SFMBT2: variants seen among roughly 807,000 people sequenced by gnomAD.
SFMBT2 encodes the protein Scm like with four mbt domains 2, also known as scm-like with four MBT domains protein 2.
A neutral mutation model predicts 110.1 loss-of-function variants in SFMBT2; 38 were observed. That is an observed-to-expected ratio of 0.35 (90% CI 0.27 to 0.45). The LOEUF (loss-of-function observed/expected upper bound fraction) is 0.45. Ranked by LOEUF, SFMBT2 falls within the 20% of genes least tolerant of loss-of-function variation. SFMBT2 has a pLI of 1.00. For missense variants in SFMBT2, 1,011 were observed against 1,094.9 expected, an observed-to-expected ratio of 0.92 and a Z score of 1.08; for synonymous variants, 425 against 425.4, an observed-to-expected ratio of 1.00 and a Z score of 0.01.
intron 9 of SFMBT2, among the ~76,000 whole-genome samples, chr10:7,232,060 C>T (rs531692337): frequency 2.6e-5 from 4 of 152,214 alleles, no homozygotes; most frequent in Non-Finnish European, 2.9e-5. Context: ...GGAAATAAAA[C>T]CCCTTAGGCA....
At chr10:7,390,710 TCTTATGACTC>T (rs1845740820) in intron 1 of SFMBT2, among the ~76,000 whole-genome samples, 1 of 152,208 alleles carries the variant, frequency 6.6e-6, no homozygotes, top group Non-Finnish European at 1.5e-5. Flanking sequence ...TTTGCTCAAG[TCTTATGACTC>T]CTCATTACCC....
chr10:7,392,012 G>C (rs1845781073), intron 1 of SFMBT2, among the ~76,000 whole-genome samples: 1 of 152,092 alleles, frequency 6.6e-6, no homozygotes, highest in African/African-American at 2.4e-5. Flanking sequence ...TAGCACTCTA[G>C]TCACGACTCT....
At chr10:7,319,379 T>G (rs1456069968) in intron 4 of SFMBT2, among the ~76,000 whole-genome samples, 3 of 152,182 alleles carry the variant, frequency 2.0e-5, no homozygotes, top group Non-Finnish European at 4.4e-5. Context: ...GTCACAGAGC[T>G]GCAAACACAA....
chr10:7,290,856 C>A (rs1842242074), intron 4 of SFMBT2, among the ~76,000 whole-genome samples: 1 of 152,234 alleles, frequency 6.6e-6, no homozygotes, highest in East Asian at 1.9e-4. Context: ...AAAAAGAAAG[C>A]AAGCTATCTA....
At chr10:7,179,886 T>C (rs1341582397) in intron 16 of SFMBT2, among the ~76,000 whole-genome samples, 3 of 152,240 alleles carry the variant, frequency 2.0e-5, no homozygotes, top group African/African-American at 7.2e-5. Context: ...TCTAAAGGTA[T>C]GAAGATTTAA....
chr10:7,399,404 T>G (rs1326191679), intron 1 of SFMBT2, among the ~76,000 whole-genome samples: 1 of 152,070 alleles, frequency 6.6e-6, no homozygotes, highest in Non-Finnish European at 1.5e-5. Context: ...AGCTAATTTT[T>G]TATTTTTAGT....
At chr10:7,322,466 C>G (rs980537141) in intron 4 of SFMBT2, among the ~76,000 whole-genome samples, 7 of 152,164 alleles carry the variant, frequency 4.6e-5, no homozygotes, top group Non-Finnish European at 1.0e-4. Flanking sequence ...GCGCTCCCAG[C>G]TGAAACTGAC....
chr10:7,264,079 G>C, intron 7 of SFMBT2: 1 of 244,212 alleles, frequency 4.1e-6, no homozygotes, highest in Non-Finnish European at 6.6e-6. Flanking sequence ...AGTAGAGAGG[G>C]TGTCCATGCA....
intron 10 of SFMBT2, among the ~76,000 whole-genome samples, chr10:7,223,712 A>G (rs577769999): frequency 6.6e-6 from 1 of 152,188 alleles, no homozygotes; most frequent in African/African-American, 2.4e-5. Context: ...CTATCTTTTC[A>G]TTCATTATGA....
chr10:7,367,689 C>G lies in SFMBT2; in HGVS notation c.396G>C (p.Gly132=), dbSNP rs373709864. The G allele has an allele frequency of 5.8e-5, 94 of 1,613,630 alleles. No individual in the cohort carries two copies. Among genetic ancestry groups the G allele is most frequent in the Middle Eastern group, 1.8e-4 (1 of 5,712 alleles). ...DVVIADLHPV[G]WCTQNNKVLM... ...ACACCTTGTTGTTCTGTGTGCACCA[C>G]CCCACGGGGTGCAAATCCGCGATGA... The change falls in exon 4 of 21, where the codon GGG becomes GGC. Residue 132 remains glycine, a synonymous_variant. Transcript: ENST00000397167. The surrounding 1 kb of genome is among the most constrained non-coding windows in gnomAD (Gnocchi z 6.2).
rs117573972 is a variant in SFMBT2, at chr10:7,175,206, C to T, written c.1984+784G>A. On this transcript the variant is annotated intron_variant, in intron 17 of 20. Transcript: ENST00000397167. ...TGCATTAGAGAGAACTGAGGGGAGA[C>T]GCAGGAAACTCAGAACTGTGGGTCA... Among the ~76,000 whole-genome samples the T allele has an allele frequency of 4.6e-3, 700 of 152,246 alleles. 4 individuals are homozygous for T. Among genetic ancestry groups the T allele is most frequent in the Non-Finnish European group, 6.1e-3 (418 of 68,032 alleles).
intron 4 of SFMBT2, among the ~76,000 whole-genome samples, chr10:7,314,674 G>C (rs1169658738): frequency 2.0e-5 from 3 of 152,182 alleles, no homozygotes; most frequent in Non-Finnish European, 4.4e-5. Context: ...TTGGGAGGCT[G>C]AGGCAGGGGA....
chr10:7,234,614 T>C (rs1840202958), intron 9 of SFMBT2, among the ~76,000 whole-genome samples: 1 of 152,158 alleles, frequency 6.6e-6, no homozygotes, highest in Admixed American at 6.5e-5. Flanking sequence ...CAATCAAAAG[T>C]GACCGTTTTG....
intron 2 of SFMBT2, among the ~76,000 whole-genome samples, chr10:7,379,542 TG>T (rs756838426): frequency 1.5e-4 from 23 of 152,178 alleles, no homozygotes; most frequent in Non-Finnish European, 2.8e-4. Context: ...TTTAAATGTG[TG>T]TCCTCTTTAA....
At chr10:7,188,161 A>G (rs1838479546) in intron 16 of SFMBT2, among the ~76,000 whole-genome samples, 1 of 152,204 alleles carries the variant, frequency 6.6e-6, no homozygotes, top group South Asian at 2.1e-4. Context: ...CATTTACTTA[A>G]CCCAGACCAA....
At chr10:7,268,368 C>T (rs1335674055) in intron 7 of SFMBT2, among the ~76,000 whole-genome samples, 2 of 152,056 alleles carry the variant, frequency 1.3e-5, no homozygotes, top group Admixed American at 1.3e-4. Flanking sequence ...AGTAGTCCTT[C>T]GCAAAAGACA....
At chr10:7,176,382 C>T in intron 16 of SFMBT2, 2 of 745,664 alleles carry the variant, frequency 2.7e-6, no homozygotes, top group Non-Finnish European at 3.3e-6. Flanking sequence ...AAACCAGAAT[C>T]CACTTCCATA....
chr10:7,340,109 A>C (rs1843844801), intron 4 of SFMBT2, among the ~76,000 whole-genome samples: 1 of 152,178 alleles, frequency 6.6e-6, no homozygotes, highest in Admixed American at 6.5e-5. Context: ...CAATCCCAGC[A>C]TTTTGGGATT....
chr10:7,166,603 G>A (rs1231125345), intron 20 of SFMBT2, among the ~76,000 whole-genome samples: 1 of 152,162 alleles, frequency 6.6e-6, no homozygotes, highest in African/African-American at 2.4e-5. Context: ...GAATCTGGAG[G>A]GTGGCAGACA....
Sources: allele counts gnomAD v4.1 joint callset (sites outside exome capture counted in the v4.1 genomes callset), GRCh38; gene constraint gnomAD v4.1.1; non-coding constraint Gnocchi (gnomAD v3.1); transcripts MANE v1.5; gene names NCBI Gene and HGNC (gene_info 2026-07-23, HGNC 2026-07-21).